The following RAD51B variants were observed in gnomAD, a reference collection of about 807,000 sequenced individuals.
The protein encoded by RAD51B is DNA repair protein RAD51 homolog 2.
A neutral mutation model predicts 42.2 loss-of-function variants in RAD51B; 38 were observed. The ratio of observed to expected loss-of-function variants is 0.90; its 90% CI spans 0.70 to 1.18. RAD51B has a LOEUF of 1.18. Ranked by LOEUF, RAD51B falls within the 50% of genes most tolerant of loss-of-function variation. RAD51B has a pLI of 0.00. For missense variants in RAD51B, 373 were observed against 400.7 expected (o/e 0.93, Z 0.59); for synonymous variants, 154 against 145.2 (o/e 1.06, Z -0.43).
intron 7 of RAD51B, among the ~76,000 whole-genome samples, chr14:68,030,209 T>G (rs748496239): frequency 6.6e-6 from 1 of 152,158 alleles, no homozygotes; most frequent in Admixed American, 6.5e-5. Context: ...TAGCCCATTT[T>G]AAAAAAAGTC....
At chr14:68,127,780 G>C (rs554130101) in intron 7 of RAD51B, among the ~76,000 whole-genome samples, 33 of 152,260 alleles carry the variant, frequency 2.2e-4, no homozygotes, top group Non-Finnish European at 4.4e-4. Context: ...TTAAAACCCA[G>C]AGATGGTATT....
chr14:68,086,299 G>A (rs1385815650), intron 7 of RAD51B, among the ~76,000 whole-genome samples: 1 of 152,092 alleles, frequency 6.6e-6, no homozygotes, highest in Non-Finnish European at 1.5e-5. Context: ...CGTTCCTCTC[G>A]CTGTCCAGCT....
At chr14:67,964,801 G>A (rs1009319813) in intron 7 of RAD51B, among the ~76,000 whole-genome samples, 2 of 152,156 alleles carry the variant, frequency 1.3e-5, no homozygotes, top group Non-Finnish European at 1.5e-5. Context: ...ACGGTCTACC[G>A]CAGGTTGCTC....
At chr14:68,563,310 C>T (rs1437895701) in intron 10 of RAD51B, 4 of 985,278 alleles carry the variant, frequency 4.1e-6, no homozygotes, top group African/African-American at 1.7e-5. Context: ...TTGTTCTCTC[C>T]TCGGGGCGTG....
chr14:68,277,867 C>T (rs1199883158), intron 7 of RAD51B, among the ~76,000 whole-genome samples: 1 of 152,136 alleles, frequency 6.6e-6, no homozygotes, highest in Non-Finnish European at 1.5e-5. Flanking sequence ...CTCAGCCTAC[C>T]AAATAGCTGG....
chr14:68,116,554 C>T (rs913053294), intron 7 of RAD51B, among the ~76,000 whole-genome samples: 3 of 152,090 alleles, frequency 2.0e-5, no homozygotes, highest in Admixed American at 1.3e-4. Context: ...TGAGAAAATA[C>T]GGTCTTCTGT....
chr14:68,030,683 T>C (rs2076027517), intron 7 of RAD51B, among the ~76,000 whole-genome samples: 1 of 152,260 alleles, frequency 6.6e-6, no homozygotes, highest in South Asian at 2.1e-4. Context: ...ATTTGTTCAC[T>C]GGAGTAGCAG....
intron 7 of RAD51B, among the ~76,000 whole-genome samples, chr14:68,288,249 A>G (rs183816020): frequency 5.9e-5 from 9 of 152,348 alleles, no homozygotes; most frequent in Admixed American, 2.6e-4. Context: ...ATTGTAATCA[A>G]TGCTTTGGGA....
intron 7 of RAD51B, among the ~76,000 whole-genome samples, chr14:68,025,159 T>C (rs1246019396): frequency 6.6e-6 from 1 of 152,182 alleles, no homozygotes; most frequent in Middle Eastern, 3.2e-3. Flanking sequence ...TTGATTTGCA[T>C]ATGTTGAGCT....
At chr14:68,405,723 C>T (rs915784033) in intron 8 of RAD51B, among the ~76,000 whole-genome samples, 6 of 151,186 alleles carry the variant, frequency 4.0e-5, no homozygotes, top group East Asian at 1.9e-4. Context: ...ATTGTTTTAG[C>T]GACGCGGAGT....
intron 1 of RAD51B, among the ~76,000 whole-genome samples, chr14:67,820,795 T>C (rs2040600845): frequency 6.6e-6 from 1 of 152,130 alleles, no homozygotes; most frequent in Non-Finnish European, 1.5e-5. Context: ...AAGTACTATG[T>C]GCCACGCACT....
intron 7 of RAD51B, among the ~76,000 whole-genome samples, chr14:68,238,981 T>C (rs1369430790): frequency 6.6e-6 from 1 of 152,244 alleles, no homozygotes; most frequent in Non-Finnish European, 1.5e-5. Flanking sequence ...CAGGAGACAC[T>C]AGTTCTACAG....
At chr14:68,509,353 T>C (rs913397554) in intron 10 of RAD51B, among the ~76,000 whole-genome samples, 2 of 152,254 alleles carry the variant, frequency 1.3e-5, no homozygotes, top group Non-Finnish European at 2.9e-5. Context: ...GACCATGCTG[T>C]GACTCAGAGG....
In RAD51B at chr14:68,119,141, G is replaced by A. The variant is rs187279216; in HGVS notation, c.757-172743G>A. 2.7e-3 allele frequency among the ~76,000 whole-genome samples: 415 copies of A among 151,504 alleles called. 1 individual carries two copies. Among genetic ancestry groups the A allele is most frequent in the African/African-American group, 9.4e-3 (390 of 41,350 alleles). ...TAATTTTTTTTTGTAGAGACAGGGT[G>A]TCACCATGTTGTCCATGTAGCTGAG... On this transcript the variant is annotated intron_variant, in intron 7 of 10. Transcript: ENST00000471583.
intron 7 of RAD51B, among the ~76,000 whole-genome samples, chr14:67,891,738 TAATA>T (rs1160391122): frequency 6.6e-6 from 1 of 152,072 alleles, no homozygotes; most frequent in Non-Finnish European, 1.5e-5. Context: ...TCTTAGATAC[TAATA>T]AATATTCAAA....
At chr14:67,859,640 T>C (rs891463977) in intron 4 of RAD51B, among the ~76,000 whole-genome samples, 7 of 152,202 alleles carry the variant, frequency 4.6e-5, no homozygotes, top group African/African-American at 1.7e-4. Flanking sequence ...TTTAAAGTTA[T>C]GTGACACATA....
chr14:68,641,195 G>A (rs1020392972), intron 10 of RAD51B, among the ~76,000 whole-genome samples: 3 of 152,196 alleles, frequency 2.0e-5, no homozygotes, highest in African/African-American at 4.8e-5. Context: ...CATGTCTGCC[G>A]TGTGTTGCAT....
chr14:68,127,029 C>T (rs993924278), intron 7 of RAD51B, among the ~76,000 whole-genome samples: 1 of 152,140 alleles, frequency 6.6e-6, no homozygotes, highest in African/African-American at 2.4e-5. Flanking sequence ...TTTGTGAAAC[C>T]TTCTCCAGCA....
chr14:68,321,300 C>G (rs556532954), intron 8 of RAD51B, among the ~76,000 whole-genome samples: 1 of 152,312 alleles, frequency 6.6e-6, no homozygotes, highest in South Asian at 2.1e-4. Flanking sequence ...CGCCCACTCC[C>G]CTTTTATTCT....
Sources: allele counts gnomAD v4.1 joint callset (sites outside exome capture counted in the v4.1 genomes callset), GRCh38; gene constraint gnomAD v4.1.1; transcripts MANE v1.5; gene names NCBI Gene and HGNC (gene_info 2026-07-23, HGNC 2026-07-21).